The following CCN4 variants were observed in gnomAD, a reference collection of about 807,000 sequenced individuals.
CCN4 encodes cellular communication network factor 4.
A neutral mutation model predicts 36.7 loss-of-function variants in CCN4; 30 were observed. The observed-to-expected ratio is 0.82, with a 90% CI of 0.61 to 1.11. The LOEUF is 1.11. Ranked by LOEUF, CCN4 falls within the 50% of genes least tolerant of loss-of-function variation. The pLI, the probability that CCN4 is intolerant of heterozygous loss-of-function variation, is 0.00. For missense variants in CCN4, 505 were observed against 504.9 expected (o/e 1.00, Z 0.00); for synonymous variants, 191 against 195.4 (o/e 0.98, Z 0.19).
At chr8:133,213,261 A>G (rs1261966092) in intron 2 of CCN4, 118 bp downstream of exon 2, 1 of 1,270,658 alleles carries the variant, frequency 7.9e-7, no homozygotes, top group East Asian at 2.4e-5. Context: ...GTTCAGCAGG[A>G]GATACACCCC....
chr8:133,209,010 T>G (rs1488231434), intron 1 of CCN4, among the ~76,000 whole-genome samples: 1 of 152,180 alleles, frequency 6.6e-6, no homozygotes, highest in African/African-American at 2.4e-5. Flanking sequence ...GGGGAGCCAG[T>G]CAGGGGCTCT....
chr8:133,204,467 T>C (rs1853695279), intron 1 of CCN4, among the ~76,000 whole-genome samples: 1 of 152,134 alleles, frequency 6.6e-6, no homozygotes, highest in Non-Finnish European at 1.5e-5. Context: ...AAGGCAGTGG[T>C]TCCTATTTCT....
chr8:133,231,334 G>C lies in CCN4; in HGVS notation c.*3624G>C, dbSNP rs564546559. The C allele has an allele frequency of 1.3e-5, 2 of 152,132 alleles. No homozygotes were observed. Among genetic ancestry groups the C allele is most frequent in the Admixed American group, 6.5e-5 (1 of 15,270 alleles). The allele number at this position is 152,132 out of a possible 1,614,324, so 9.4% of individuals were successfully genotyped here. On this transcript the variant is annotated 3_prime_UTR_variant, in exon 5 of 5. Coordinates refer to ENST00000250160, the MANE Select transcript of CCN4 (RefSeq NM_003882.4). ...TGTGTGTGTATATATATGTATGTATGTATCTATTTTCAAACTGTGATTTAA... is the reference window on the plus strand; with the variant it reads ...TGTGTGTGTATATATATGTATGTATCTATCTATTTTCAAACTGTGATTTAA...
intron 3 of CCN4, among the ~76,000 whole-genome samples, chr8:133,221,674 T>C (rs1854533356): frequency 6.6e-6 from 1 of 151,690 alleles, no homozygotes; most frequent in Non-Finnish European, 1.5e-5. Flanking sequence ...TATAAATAGA[T>C]AGATGGGTGA....
Position 133,231,038 on chromosome 8 carries a change from A to G in CCN4, c.*3328A>G, listed in dbSNP as rs1443538170. ...TATTCTGTCCCCCAAATCAAAAGGC[A>G]TGACCTTTATAAGAGGCGCTTTACT... is the stretch of plus-strand genomic sequence containing the variant. On this transcript the variant is annotated 3_prime_UTR_variant, in exon 5 of 5. Transcript: ENST00000250160. The G allele has an allele frequency of 3.3e-5, 5 of 152,220 alleles. No homozygotes were observed. The East Asian group carries it at 9.6e-4, about 29-fold the overall frequency. 9.4% of individuals were successfully genotyped at this position (152,220 alleles called of 1,614,324 possible).
At chr8:133,215,628 C>T (rs1269562283) in intron 2 of CCN4, among the ~76,000 whole-genome samples, 1 of 152,106 alleles carries the variant, frequency 6.6e-6, no homozygotes, top group African/African-American at 2.4e-5. Context: ...CCCTGTCCTC[C>T]TCACCCCCTA....
chr8:133,195,235 C>G lies in CCN4; in HGVS notation c.69+4022C>G, dbSNP rs148633107. Among the ~76,000 whole-genome samples the G allele has an allele frequency of 3.8e-5, 5 of 130,478 alleles. No homozygotes were observed. In the East Asian group the frequency reaches 9.3e-4, roughly 24 times the overall value. 85.6% of individuals were successfully genotyped at this position (130,478 alleles called of 152,430 possible). A position where few individuals can be genotyped will look rare whatever the true frequency, so the allele number is the denominator to read the frequency against. On this transcript the variant is annotated intron_variant, in intron 1 of 4. Transcript: ENST00000250160. ...GTGTGTGTATGTGTGTGGTGTGTGT[C>G]TGTTGAGTGTATATGTGGTGTGTTT...
intron 4 of CCN4, among the ~76,000 whole-genome samples, chr8:133,225,891 C>T (rs1002018768): frequency 6.6e-6 from 1 of 152,126 alleles, no homozygotes; most frequent in Non-Finnish European, 1.5e-5. Flanking sequence ...TTTCCATCCT[C>T]CCTTCACTCC....
chr8:133,201,631 C>A (rs1471366126), intron 1 of CCN4, among the ~76,000 whole-genome samples: 1 of 152,026 alleles, frequency 6.6e-6, no homozygotes, highest in Non-Finnish European at 1.5e-5. Context: ...CACTTGAGGT[C>A]AAGAGTTTGA....
intron 3 of CCN4, among the ~76,000 whole-genome samples, chr8:133,221,204 A>G (rs1322968546): frequency 2.0e-5 from 3 of 152,232 alleles, no homozygotes; most frequent in Non-Finnish European, 2.9e-5. Context: ...AGATGGGTCT[A>G]GTAGAAGCTT....
rs138734609 is a variant in CCN4, at chr8:133,219,062, T to C, written c.350-1519T>C. 7.2e-3 allele frequency among the ~76,000 whole-genome samples: 1,093 copies of C among 152,208 alleles called. 19 individuals carry two copies. The highest frequency in any genetic ancestry group is 0.025 in the African/African-American group (1,049 of 41,522). On this transcript the variant is annotated intron_variant, in intron 2 of 4. Coordinates refer to ENST00000250160, the MANE Select transcript of CCN4 (RefSeq NM_003882.4). ...GCTCTCTCCCACCTGGGTCTCAGGG[T>C]GGTCCCCCATGCTACCTTTGCCCTC...
chr8:133,191,343 G>A, intron 1 of CCN4, 130 bp downstream of exon 1: 1 of 1,098,496 alleles, frequency 9.1e-7, no homozygotes, highest in Middle Eastern at 2.6e-4. Context: ...CCACTTACAG[G>A]GCAAGGACAG....
chr8:133,210,596 C>T (rs959020526), intron 1 of CCN4, among the ~76,000 whole-genome samples: 4 of 152,092 alleles, frequency 2.6e-5, no homozygotes, highest in African/African-American at 9.7e-5. Context: ...ACAGAGCCTT[C>T]CTCCCTGCAG....
chr8:133,226,218 G>A (rs1854730723), intron 4 of CCN4, among the ~76,000 whole-genome samples: 1 of 152,222 alleles, frequency 6.6e-6, no homozygotes, highest in Non-Finnish European at 1.5e-5. Context: ...TCATGCCTTA[G>A]GAGTGGTCAG....
At chr8:133,196,607 TC>T (rs1324905965) in intron 1 of CCN4, among the ~76,000 whole-genome samples, 1 of 147,612 alleles carries the variant, frequency 6.8e-6, no homozygotes, top group Non-Finnish European at 1.5e-5. Flanking sequence ...TGCCAAGGGT[TC>T]TAATCCCAGT....
intron 1 of CCN4, among the ~76,000 whole-genome samples, chr8:133,199,925 C>A (rs1853527240): frequency 6.6e-6 from 1 of 152,168 alleles, no homozygotes; most frequent in African/African-American, 2.4e-5. Context: ...CTCCTATCAG[C>A]CTCATTTTAA....
At chr8:133,191,853 T>C (rs1416623890) in intron 1 of CCN4, among the ~76,000 whole-genome samples, 2 of 152,166 alleles carry the variant, frequency 1.3e-5, no homozygotes, top group Non-Finnish European at 2.9e-5. Flanking sequence ...CTATGAAGCC[T>C]GCTGTTCCAG....
intron 1 of CCN4, among the ~76,000 whole-genome samples, chr8:133,198,771 G>A (rs1853479412): frequency 6.6e-6 from 1 of 152,196 alleles, no homozygotes; most frequent in South Asian, 2.1e-4. Context: ...CTTGCCCTGT[G>A]TTTGAGCCAC....
chr8:133,192,790 C>T (rs1038345688), intron 1 of CCN4, among the ~76,000 whole-genome samples: 4 of 152,184 alleles, frequency 2.6e-5, no homozygotes, highest in Non-Finnish European at 5.9e-5. Flanking sequence ...AAGCATGAGT[C>T]CAAGTACTCT....
Sources: allele counts gnomAD v4.1 joint callset (sites outside exome capture counted in the v4.1 genomes callset), GRCh38; gene constraint gnomAD v4.1.1; transcripts MANE v1.5; gene names NCBI Gene and HGNC (gene_info 2026-07-23, HGNC 2026-07-21).